Variants in IGF2BP1 observed in about 807,000 individuals in gnomAD.
IGF2BP1 encodes the protein insulin-like growth factor 2 mRNA-binding protein 1.
Under a neutral mutation model 74.9 loss-of-function variants are expected in IGF2BP1, and 11 were observed. The observed-to-expected ratio is 0.15, with a 90% CI of 0.09 to 0.24. The LOEUF is 0.24. IGF2BP1 is among the 10% of genes least tolerant of loss of function. The pLI is 1.00. For missense variants in IGF2BP1, 440 were observed against 757.4 expected (o/e 0.58, Z 4.92); for synonymous variants, 287 against 281.8 (o/e 1.02, Z -0.18).
chr17:49,022,286 A>T (rs2041801926), intron 2 of IGF2BP1, among the ~76,000 whole-genome samples: 1 of 152,230 alleles, frequency 6.6e-6, no homozygotes, highest in Admixed American at 6.5e-5. Flanking sequence ...TACGGGTTAC[A>T]GTGATCAGAA....
intron 14 of IGF2BP1, among the ~76,000 whole-genome samples, chr17:49,046,886 C>T (rs754720084): frequency 8.5e-5 from 13 of 152,052 alleles, no homozygotes; most frequent in East Asian, 5.8e-4. Context: ...TCATCATTGC[C>T]GTTCAGCACT....
Position 49,040,000 on chromosome 17 carries a change from G to C in IGF2BP1, c.727G>C (p.Ala243Pro). Residue 243 changes from alanine to proline, a missense_variant, in exon 7 of 15, where the codon GCC becomes CCC. Transcript: ENST00000290341. ...RKENAGAAEK[A>P]ISVHSTPEGC... ...GGAGAACGCAGGTGCAGCTGAAAAA[G>C]CCATCAGTGTGCACTCCACCCCTGA... 6.2e-7 allele frequency: 1 copy of C among 1,613,492 alleles called. No homozygotes were observed. The highest frequency in any genetic ancestry group is 2.2e-5 in the East Asian group (1 of 44,874).
intron 2 of IGF2BP1, among the ~76,000 whole-genome samples, chr17:49,000,127 C>G (rs1002576512): frequency 3.9e-5 from 6 of 152,116 alleles, no homozygotes; most frequent in African/African-American, 1.4e-4. Flanking sequence ...TCTACTTTCT[C>G]AAATCAGACT....
intron 2 of IGF2BP1, among the ~76,000 whole-genome samples, chr17:49,023,277 A>C (rs560828298): frequency 6.6e-6 from 1 of 152,374 alleles, no homozygotes; most frequent in African/African-American, 2.4e-5. Flanking sequence ...GGTCAAGTTC[A>C]TGAACAAACC....
intron 2 of IGF2BP1, among the ~76,000 whole-genome samples, chr17:49,006,690 A>G (rs769662981): frequency 6.6e-6 from 1 of 152,190 alleles, no homozygotes; most frequent in Non-Finnish European, 1.5e-5. Context: ...AGCTTGGGCT[A>G]TATATCTAAG....
chr17:49,036,522 A>C (rs1187257308), intron 5 of IGF2BP1: 1 of 152,184 alleles, frequency 6.6e-6, no homozygotes, highest in Non-Finnish European at 1.5e-5. Flanking sequence ...TCGAGACTGC[A>C]TGTTTGTTTT....
intron 3 of IGF2BP1, among the ~76,000 whole-genome samples, chr17:49,026,055 A>G (rs979430347): frequency 2.0e-5 from 3 of 151,866 alleles, no homozygotes; most frequent in African/African-American, 4.8e-5. Flanking sequence ...GGGTTTCACC[A>G]TGTTGATCAG....
At chr17:49,026,635 GC>G in intron 4 of IGF2BP1, 118 bp downstream of exon 4, 1 of 417,866 alleles carries the variant, frequency 2.4e-6, no homozygotes, top group Admixed American at 4.6e-5. Flanking sequence ...CTTCCTTCCT[GC>G]CTTCCTTCCT....
rs1184228052 is a variant in IGF2BP1 at position 49,055,112 on chromosome 17, A to G, written c.*5668A>G. ...TCTTTTTCCAAAGGAAAAAAATATTACCTTGAGAATACTTTCCAAAAAATA... is the reference window on the plus strand; with the variant it reads ...TCTTTTTCCAAAGGAAAAAAATATTGCCTTGAGAATACTTTCCAAAAAATA... On this transcript the variant is annotated 3_prime_UTR_variant, in exon 15 of 15. Transcript: ENST00000290341. The G allele has an allele frequency of 6.6e-6, 1 of 151,120 alleles. No individual in the cohort carries two copies. The highest frequency in any genetic ancestry group is 2.4e-5 in the African/African-American group (1 of 40,832). The allele number at this position is 151,120 out of a possible 1,614,324, so 9.4% of individuals were successfully genotyped here. A position where few individuals can be genotyped will look rare whatever the true frequency, so the allele number is the denominator to read the frequency against.
chr17:49,038,478 T>C (rs1426282882), intron 6 of IGF2BP1, 29 bp downstream of exon 6: 1 of 1,449,124 alleles, frequency 6.9e-7, no homozygotes, highest in Non-Finnish European at 9.1e-7. Flanking sequence ...GGAATGGAGG[T>C]TGGGTGCTAG....
At chr17:49,002,339 A>G (rs2041497314) in intron 2 of IGF2BP1, among the ~76,000 whole-genome samples, 2 of 152,196 alleles carry the variant, frequency 1.3e-5, no homozygotes, top group Admixed American at 1.3e-4. Context: ...ATATATTTTA[A>G]CAATGATTTG....
rs2042033459 is a variant in IGF2BP1, at chr17:49,040,054, T to C, written c.781T>C (p.Leu261=). The C allele has an allele frequency of 2.5e-6, 4 of 1,614,100 alleles. No homozygotes were observed. Among genetic ancestry groups the C allele is most frequent in the Non-Finnish European group, 3.4e-6 (4 of 1,180,026 alleles). Residue 261 remains leucine (L), a synonymous_variant, in exon 7 of 15, where the codon TTG becomes CTG. Coordinates refer to ENST00000290341, the MANE Select transcript of IGF2BP1 (RefSeq NM_006546.4). ...EGCSSACKMI[L]EIMHKEAKDT... is the part of the protein sequence containing the mutation. ...CTGCTCCTCCGCTTGTAAGATGATC[T>C]TGGAGATTATGCATAAAGAGGCTAA...
At chr17:49,039,923 G>T (rs1294373804) in intron 6 of IGF2BP1, 34 bp from the exon 7 acceptor site, 4 of 1,609,864 alleles carry the variant, frequency 2.5e-6, no homozygotes, top group Non-Finnish European at 3.4e-6. Flanking sequence ...TATCACTGGG[G>T]ACAACTAACC....
intron 2 of IGF2BP1, chr17:49,014,788 G>A (rs1037996287): frequency 3.0e-6 from 3 of 985,302 alleles, no homozygotes; most frequent in Admixed American, 6.1e-5. Flanking sequence ...GGGGCACTAA[G>A]GACCCCGAGG....
chr17:49,038,330 A>T lies in IGF2BP1; in HGVS notation c.564A>T (p.Pro188=), dbSNP rs377013730. The T allele has an allele frequency of 6.2e-7, 1 of 1,606,564 alleles. No homozygotes were observed. Among genetic ancestry groups the T allele is most frequent in the Non-Finnish European group, 8.5e-7 (1 of 1,176,778 alleles). The part of the protein sequence containing the change: ...RQGSPVAAGA[P]AKQQQVDIPL... ...GCTCACCTGTGGCAGCGGGGGCCCC[A>T]GCCAAGCAGCAGCAAGTGGACATCC... Residue 188 remains proline (P), a synonymous_variant, in exon 6 of 15, where the codon CCA becomes CCT. Transcript: ENST00000290341.
intron 2 of IGF2BP1, among the ~76,000 whole-genome samples, chr17:49,011,385 T>C (rs1286406777): frequency 1.3e-5 from 2 of 152,144 alleles, no homozygotes; most frequent in African/African-American, 2.4e-5. Context: ...TCTACAATTA[T>C]AGGAGCATTT....
At chr17:49,046,670 T>C (rs2042111127) in intron 14 of IGF2BP1, among the ~76,000 whole-genome samples, 2 of 149,782 alleles carry the variant, frequency 1.3e-5, no homozygotes, top group African/African-American at 2.4e-5. Flanking sequence ...TATGTAAATA[T>C]ATATATATAT....
At chr17:49,010,197 T>C (rs1401050905) in intron 2 of IGF2BP1, among the ~76,000 whole-genome samples, 1 of 152,140 alleles carries the variant, frequency 6.6e-6, no homozygotes, top group East Asian at 1.9e-4. Flanking sequence ...CATTAAATAA[T>C]AACTTACCCA....
chr17:49,034,770 A>T (rs893123521), intron 5 of IGF2BP1, among the ~76,000 whole-genome samples: 7 of 151,934 alleles, frequency 4.6e-5, no homozygotes, highest in African/African-American at 1.7e-4. Flanking sequence ...AAAAACAAAA[A>T]AAACGAAAAA....
Sources: gnomAD v4.1 joint callset for allele counts (sites outside exome capture counted in the v4.1 genomes callset) on GRCh38, gnomAD v4.1.1 for gene constraint, MANE v1.5 for transcripts, NCBI Gene and HGNC (gene_info 2026-07-23, HGNC 2026-07-21) for gene names.